The following TRAPPC12 variants were observed in gnomAD, a reference collection of about 807,000 sequenced individuals.
TRAPPC12 encodes TPR repeat protein 15.
Under a neutral mutation model 69.2 loss-of-function variants are expected in TRAPPC12, and 61 were observed. The ratio of observed to expected loss-of-function variants is 0.88; its 90% CI spans 0.72 to 1.09. The LOEUF (loss-of-function observed/expected upper bound fraction) is 1.09, where lower values mean the gene tolerates loss of function less well. TRAPPC12 is among the 50% of genes least tolerant of loss of function. The pLI, the probability that TRAPPC12 is intolerant of heterozygous loss-of-function variation, is 0.00. For synonymous variants in TRAPPC12, 469 were observed against 438.9 expected (o/e 1.07, Z -0.86); for missense variants, 1,101 against 1,016.4 (o/e 1.08, Z -1.13).
chr2:3,430,734 G>A (rs752691948), intron 5 of TRAPPC12, among the ~76,000 whole-genome samples: 2 of 152,218 alleles, frequency 1.3e-5, no homozygotes, highest in Non-Finnish European at 2.9e-5. Flanking sequence ...TCCACATACT[G>A]TTATATCAGG....
intron 3 of TRAPPC12, among the ~76,000 whole-genome samples, chr2:3,408,141 C>A (rs1661831150): frequency 6.6e-6 from 1 of 152,156 alleles, no homozygotes; most frequent in Non-Finnish European, 1.5e-5. Context: ...TAAAAATAAA[C>A]CTCCAAACAC....
intron 4 of TRAPPC12, 141 bp from the exon 5 acceptor site, chr2:3,424,384 A>C (rs1244791723): frequency 5.6e-6 from 4 of 714,108 alleles, no homozygotes; most frequent in South Asian, 2.2e-5. Flanking sequence ...CGATTGTGTA[A>C]ATATGCAAAG....
In TRAPPC12 at chr2:3,388,071, G is replaced by A. The variant is rs1660588851; in HGVS notation, c.448G>A (p.Glu150Lys). ...PGSEAARPEQ[E>K]PPVAEPVPVC... ...CAGCGAAGCCGCGCGCCCGGAGCAG[G>A]AGCCTCCCGTTGCGGAGCCGGTCCC... is the stretch of plus-strand genomic sequence containing the variant. The change falls in exon 2 of 12, where the codon GAG becomes AAG. Residue 150 changes from glutamate (E) to lysine (K), a missense_variant. Coordinates refer to ENST00000324266, the MANE Select transcript of TRAPPC12 (RefSeq NM_016030.6). 4 of 1,529,400 alleles carry A rather than the reference G, an allele frequency of 2.6e-6. No individual in the cohort carries two copies. The highest frequency in any genetic ancestry group is 3.5e-6 in the Non-Finnish European group (4 of 1,143,074). The allele number at this position is 1,529,400 out of a possible 1,614,324, so 94.7% of individuals were successfully genotyped here.
At chr2:3,466,455 A>G (rs1665814660) in intron 9 of TRAPPC12, 1 of 460,580 alleles carries the variant, frequency 2.2e-6, no homozygotes, top group South Asian at 1.6e-5. Flanking sequence ...TTTACAGATC[A>G]GCAAACTGAG....
chr2:3,389,520 C>T (rs753106515), intron 2 of TRAPPC12, among the ~76,000 whole-genome samples: 2 of 152,246 alleles, frequency 1.3e-5, no homozygotes, highest in Admixed American at 6.5e-5. Context: ...GAGCAACAAC[C>T]GCGACCCCGA....
At chr2:3,380,416 T>C (rs2103408854) in intron 1 of TRAPPC12, among the ~76,000 whole-genome samples, 1 of 152,386 alleles carries the variant, frequency 6.6e-6, no homozygotes, top group South Asian at 2.1e-4. Flanking sequence ...GTATATTTAC[T>C]GTGAAGACCG....
intron 2 of TRAPPC12, among the ~76,000 whole-genome samples, chr2:3,392,029 A>G (rs549637225): frequency 1.1e-4 from 16 of 152,156 alleles, no homozygotes; most frequent in Admixed American, 3.3e-4. Context: ...CTGCAGTCCA[A>G]CGGTCTTAGG....
At chr2:3,415,039 G>A (rs1288984640) in intron 3 of TRAPPC12, among the ~76,000 whole-genome samples, 1 of 152,108 alleles carries the variant, frequency 6.6e-6, no homozygotes, top group African/African-American at 2.4e-5. Context: ...CATGGATTTG[G>A]TATCCCAGGA....
intron 6 of TRAPPC12, among the ~76,000 whole-genome samples, chr2:3,450,774 A>T (rs1478738639): frequency 6.6e-6 from 1 of 152,096 alleles, no homozygotes; most frequent in Non-Finnish European, 1.5e-5. Flanking sequence ...AAAAGGGTCC[A>T]CTTAGTAAGT....
At chr2:3,476,104 C>T (rs1042441625) in intron 9 of TRAPPC12, among the ~76,000 whole-genome samples, 3 of 152,184 alleles carry the variant, frequency 2.0e-5, no homozygotes, top group African/African-American at 4.8e-5. Context: ...GTGCAGACGA[C>T]GGGCAGCGAT....
intron 3 of TRAPPC12, among the ~76,000 whole-genome samples, chr2:3,412,795 CCTGTT>C (rs1662137169): frequency 6.6e-6 from 1 of 152,162 alleles, no homozygotes. Context: ...TTTCCTGTGA[CCTGTT>C]CTGTTGTTTT....
Position 3,439,407 on chromosome 2 carries a change from C to T in TRAPPC12, c.1418-4372C>T, listed in dbSNP as rs190188732. On this transcript the variant is annotated intron_variant, in intron 5 of 11. Transcript: ENST00000324266. ...CCCCTGGGCTTAAGCAGCCTTCCCA[C>T]CTCAACCAATGGAGTAGCTAGGACT... Among the ~76,000 whole-genome samples, 260 of 152,290 alleles carry T rather than the reference C, an allele frequency of 1.7e-3. 2 individuals carry two copies. The highest frequency in any genetic ancestry group is 1.0e-4 in the Non-Finnish European group (7 of 68,028).
intron 2 of TRAPPC12, among the ~76,000 whole-genome samples, chr2:3,397,732 T>G (rs1174380382): frequency 6.6e-6 from 1 of 152,252 alleles, no homozygotes; most frequent in Admixed American, 6.5e-5. Flanking sequence ...TATATAGAGA[T>G]AATGTATATT....
intron 8 of TRAPPC12, chr2:3,462,850 C>T (rs1380721775): frequency 4.3e-6 from 2 of 463,972 alleles, no homozygotes; most frequent in African/African-American, 2.0e-5. Context: ...CTCCTGGTGT[C>T]CCCACAGCTC....
chr2:3,387,833 C>T lies in TRAPPC12; in HGVS notation c.210C>T (p.Val70=). The T allele has an allele frequency of 1.9e-6, 3 of 1,609,884 alleles. No individual in the cohort carries two copies. The highest frequency in any genetic ancestry group is 2.5e-6 in the Non-Finnish European group (3 of 1,176,916). The change falls in exon 2 of 12, where the codon GTC becomes GTT. Residue 70 remains valine (V), a synonymous_variant. Transcript: ENST00000324266. ...TGAACGAACACATGATGGAGAGCGTCCTCATCTCTGACTCCCCCAACAGCG... is the reference window on the plus strand; with the variant it reads ...TGAACGAACACATGATGGAGAGCGTTCTCATCTCTGACTCCCCCAACAGCG... ...DKLNEHMMES[V]LISDSPNSEG...
At position 3,387,887 on chromosome 2, in the gene TRAPPC12, G is replaced by A; in HGVS notation, c.264G>A (p.Val88=). The part of the protein sequence containing the change: ...SEGDAGDLGR[V]RDEAEPGGEG... ...GCGACGCGGGCGACCTGGGCCGAGT[G>A]CGGGACGAAGCTGAGCCCGGAGGGG... Residue 88 remains valine (V), a synonymous_variant, in exon 2 of 12, where the codon GTG becomes GTA. Coordinates refer to ENST00000324266, the MANE Select transcript of TRAPPC12 (RefSeq NM_016030.6). 6.4e-7 allele frequency: 1 copy of A among 1,572,684 alleles called. No homozygotes were observed.
rs573378115 is a variant in TRAPPC12, at chr2:3,451,807, C to T, written c.1531-5814C>T. ...CCAAAGTGCTACAGCTGACTATAAGCGTGAGCCACCATGTCCAGCCCAGAA... is the reference window on the plus strand; with the variant it reads ...CCAAAGTGCTACAGCTGACTATAAGTGTGAGCCACCATGTCCAGCCCAGAA... On this transcript the variant is annotated intron_variant, in intron 6 of 11. Transcript: ENST00000324266. 2.6e-5 allele frequency among the ~76,000 whole-genome samples: 4 copies of T among 152,272 alleles called. No homozygotes were observed. The East Asian group carries it at 7.7e-4, about 29-fold the overall frequency.
At chr2:3,425,398 A>T (rs138922915) in intron 5 of TRAPPC12, among the ~76,000 whole-genome samples, 1 of 152,348 alleles carries the variant, frequency 6.6e-6, no homozygotes, top group Non-Finnish European at 1.5e-5. Context: ...GTTGTCAGGC[A>T]TCCCCAGTTA....
In TRAPPC12 at chr2:3,414,598, G is replaced by A. The variant is rs1020390084; in HGVS notation, c.1165-7283G>A. Among the ~76,000 whole-genome samples, 5 of 149,678 alleles carry A rather than the reference G, an allele frequency of 3.3e-5. No homozygotes were observed. Among genetic ancestry groups the A allele is most frequent in the African/African-American group, 5.0e-5 (2 of 40,400 alleles). On this transcript the variant is annotated intron_variant, in intron 3 of 11. Transcript: ENST00000324266. The surrounding 1 kb of genome is among the most constrained non-coding windows in gnomAD (Gnocchi z 4.9). ...CCTTGAACGTGCTCTGCCGTGTGTC[G>A]GCCCGTTTCCTGAATCCTCAGGCAT... is the stretch of plus-strand genomic sequence containing the variant.
Sources: gnomAD v4.1 joint callset for allele counts (sites outside exome capture counted in the v4.1 genomes callset) on GRCh38, gnomAD v4.1.1 for gene constraint, Gnocchi (gnomAD v3.1) non-coding constraint, MANE v1.5 for transcripts, NCBI Gene and HGNC (gene_info 2026-07-23, HGNC 2026-07-21) for gene names.